Variants in GALNT18 observed in about 807,000 individuals in gnomAD.
GALNT18 encodes the protein polypeptide N-acetylgalactosaminyltransferase 18, also known as GalNAc-transferase 18.
GALNT18 carries 44 observed loss-of-function variants against 69.5 expected under a neutral mutation model. The observed-to-expected ratio is 0.63, with a 90% CI of 0.50 to 0.81. GALNT18 has a LOEUF of 0.81. Ranked by LOEUF, GALNT18 falls within the 40% of genes least tolerant of loss-of-function variation. GALNT18 has a pLI of 0.00. For missense variants in GALNT18, 715 were observed against 810.0 expected (o/e 0.88, Z 1.42); for synonymous variants, 364 against 318.2 (o/e 1.14, Z -1.53).
intron 3 of GALNT18, among the ~76,000 whole-genome samples, chr11:11,426,398 G>A (rs994260072): frequency 6.6e-6 from 1 of 152,208 alleles, no homozygotes; most frequent in South Asian, 2.1e-4. Flanking sequence ...CACAGATGGA[G>A]GACAACAATT....
At chr11:11,484,609 A>G (rs1260960407) in intron 1 of GALNT18, among the ~76,000 whole-genome samples, 1 of 151,534 alleles carries the variant, frequency 6.6e-6, no homozygotes, top group African/African-American at 2.4e-5. Context: ...AAAAAAAAAA[A>G]AAAAAAATAC....
chr11:11,347,855 G>T lies in GALNT18; in HGVS notation c.1093-6851C>A, dbSNP rs1196407744. ...GCAAAAGCAGAGACAAGAGTGAAAAGCCAAAACCAGCAGGCTATGGGGAGG... is the reference window on the plus strand; with the variant it reads ...GCAAAAGCAGAGACAAGAGTGAAAATCCAAAACCAGCAGGCTATGGGGAGG... On this transcript the variant is annotated intron_variant, in intron 6 of 10. Transcript: ENST00000227756. The surrounding 1 kb of genome is among the most constrained non-coding windows in gnomAD (Gnocchi z 4.0). Among the ~76,000 whole-genome samples, 1 of 152,212 alleles carries T rather than the reference G, an allele frequency of 6.6e-6. No homozygotes were observed. The highest frequency in any genetic ancestry group is 1.5e-5 in the Non-Finnish European group (1 of 68,038).
Position 11,497,709 on chromosome 11 carries a change from G to A in GALNT18, c.236-48773C>T, listed in dbSNP as rs1191514783. Among the ~76,000 whole-genome samples, 1 of 150,382 alleles carries A rather than the reference G, an allele frequency of 6.6e-6. No individual in the cohort carries two copies. The highest frequency in any genetic ancestry group is 1.5e-5 in the Non-Finnish European group (1 of 67,800). On this transcript the variant is annotated intron_variant, in intron 1 of 10. Transcript: ENST00000227756. This position sits in a 1 kb window ranked among gnomAD's most constrained non-coding sequence, Gnocchi z 4.2. ...CAAAAAGTTTAAAGCAGGAATCACT[G>A]AAATTGTGCAGATAAATGTGTATGT...
chr11:11,378,645 G>C lies in GALNT18; in HGVS notation c.779+436C>G, dbSNP rs1329184847. 2.0e-5 allele frequency among the ~76,000 whole-genome samples: 3 copies of C among 152,224 alleles called. No homozygotes were observed. The East Asian group carries it at 5.8e-4, about 29-fold the overall frequency. ...AGCCCAGGGCACCTGTGACAACATGGGGCAAGCTTCCCCCACCTTTGCCCA... is the reference window on the plus strand; with the variant it reads ...AGCCCAGGGCACCTGTGACAACATGCGGCAAGCTTCCCCCACCTTTGCCCA... On this transcript the variant is annotated intron_variant, in intron 4 of 10. Coordinates refer to ENST00000227756, the MANE Select transcript of GALNT18 (RefSeq NM_198516.3).
chr11:11,410,316 G>C (rs1001684091), intron 3 of GALNT18, among the ~76,000 whole-genome samples: 3 of 152,040 alleles, frequency 2.0e-5, no homozygotes, highest in African/African-American at 4.8e-5. Context: ...TGATGAAACT[G>C]CTCAAATTAC....
At chr11:11,493,232 G>C (rs536163750) in intron 1 of GALNT18, among the ~76,000 whole-genome samples, 3 of 127,948 alleles carry the variant, frequency 2.3e-5, no homozygotes, top group African/African-American at 9.0e-5. Context: ...CTGCACTCCA[G>C]CCTGGGCGAC....
rs527412335 is a variant in GALNT18, at chr11:11,610,690, G to A, written c.235+10669C>T. 1.3e-4 allele frequency among the ~76,000 whole-genome samples: 20 copies of A among 152,234 alleles called. No individual in the cohort carries two copies. In the South Asian group the frequency reaches 1.7e-3, roughly 13 times the overall value. ...GGACATTCTATGTCATAATTCCCACGTTATACCTTCCTCCATTTACTCTTA... is the reference window on the plus strand; with the variant it reads ...GGACATTCTATGTCATAATTCCCACATTATACCTTCCTCCATTTACTCTTA... On this transcript the variant is annotated intron_variant, in intron 1 of 10. Coordinates refer to ENST00000227756, the MANE Select transcript of GALNT18 (RefSeq NM_198516.3).
rs146314923 is a variant in GALNT18, at chr11:11,311,988, G to T, written c.1512+15098C>A. Among the ~76,000 whole-genome samples, 87 of 152,256 alleles carry T rather than the reference G, an allele frequency of 5.7e-4. 1 individual carries two copies. In the East Asian group the frequency reaches 0.016, roughly 28 times the overall value. On this transcript the variant is annotated intron_variant, in intron 9 of 10. Transcript: ENST00000227756. ...TTTCCTTTTTTTGAGACGGAGTCTC[G>T]CTCTGTTGCCCAGGCTGGAGTGCAG...
intron 1 of GALNT18, among the ~76,000 whole-genome samples, chr11:11,510,669 G>A (rs1024086364): frequency 1.3e-5 from 2 of 152,224 alleles, no homozygotes; most frequent in Non-Finnish European, 2.9e-5. Context: ...CTGCCTTTAA[G>A]GAGTTATCCA....
In GALNT18 at chr11:11,603,907, C is replaced by G. The variant is rs1189287252; in HGVS notation, c.235+17452G>C. Among the ~76,000 whole-genome samples the G allele has an allele frequency of 1.3e-5, 2 of 152,172 alleles. No individual in the cohort carries two copies. ...TTCCCCAAATCCATATGTTGAAATC[C>G]TAACCCCTAAGTTGATGGAATTAGG... On this transcript the variant is annotated intron_variant, in intron 1 of 10. Transcript: ENST00000227756. This position sits in a 1 kb window ranked among gnomAD's most constrained non-coding sequence, Gnocchi z 4.5.
chr11:11,358,986 C>T (rs1376552343), intron 6 of GALNT18, among the ~76,000 whole-genome samples: 3 of 140,146 alleles, frequency 2.1e-5, no homozygotes, highest in Non-Finnish European at 4.8e-5. Context: ...TCTCTGTGTC[C>T]AGGGATGGGA....
rs1859659377 is a variant in GALNT18 at position 11,602,649 on chromosome 11, A to G, written c.235+18710T>C. 6.6e-6 allele frequency among the ~76,000 whole-genome samples: 1 copy of G among 152,070 alleles called. No individual in the cohort carries two copies. ...TCAGGGCAATTTCCAGGGACTTTAG[A>G]TGGGTGTTGTTTAATAATTTTTACC... On this transcript the variant is annotated intron_variant, in intron 1 of 10. Coordinates refer to ENST00000227756, the MANE Select transcript of GALNT18 (RefSeq NM_198516.3). This position sits in a 1 kb window ranked among gnomAD's most constrained non-coding sequence, Gnocchi z 4.7.
rs1857643039 is a variant in GALNT18 at position 11,531,362 on chromosome 11, T to A, written c.236-82426A>T. On this transcript the variant is annotated intron_variant, in intron 1 of 10. Coordinates refer to ENST00000227756, the MANE Select transcript of GALNT18 (RefSeq NM_198516.3). ...TTGCCAGCTGTACCACCACTGCCTG[T>A]TCCCCTCATCCTTCCCCAGTCCTGA... 3.3e-5 allele frequency among the ~76,000 whole-genome samples: 5 copies of A among 152,310 alleles called. No individual in the cohort carries two copies. The Middle Eastern group carries it at 0.014, about 414-fold the overall frequency.
chr11:11,352,058 C>T, intron 6 of GALNT18: 2 of 1,613,816 alleles, frequency 1.2e-6, no homozygotes, highest in East Asian at 2.2e-5. Context: ...CTGAAGAAAT[C>T]CCTGACATCA....
At chr11:11,599,397 T>C (rs1859580584) in intron 1 of GALNT18, among the ~76,000 whole-genome samples, 1 of 152,096 alleles carries the variant, frequency 6.6e-6, no homozygotes, top group Admixed American at 6.5e-5. Flanking sequence ...CAATTTTGTC[T>C]GATATTAAAT....
chr11:11,471,784 A>T (rs984523241), intron 1 of GALNT18, among the ~76,000 whole-genome samples: 1 of 152,222 alleles, frequency 6.6e-6, no homozygotes, highest in African/African-American at 2.4e-5. Context: ...TACTTTTCTG[A>T]TATCATCTCC....
intron 1 of GALNT18, among the ~76,000 whole-genome samples, chr11:11,471,085 T>G (rs565041921): frequency 1.4e-4 from 22 of 152,254 alleles, no homozygotes; most frequent in African/African-American, 3.9e-4. Context: ...AGAAAACCTT[T>G]TCTGGGTCAC....
chr11:11,545,652 C>A (rs983264233), intron 1 of GALNT18, among the ~76,000 whole-genome samples: 1 of 152,216 alleles, frequency 6.6e-6, no homozygotes, highest in African/African-American at 2.4e-5. Flanking sequence ...CCAAGAAAAA[C>A]CACTAAAAAG....
At chr11:11,581,690 C>G (rs1249854942) in intron 1 of GALNT18, among the ~76,000 whole-genome samples, 1 of 152,148 alleles carries the variant, frequency 6.6e-6, no homozygotes, top group Non-Finnish European at 1.5e-5. Flanking sequence ...CTACCCACTC[C>G]TGGCTAAGCT....
Sources: allele counts gnomAD v4.1 joint callset (sites outside exome capture counted in the v4.1 genomes callset), GRCh38; gene constraint gnomAD v4.1.1; non-coding constraint Gnocchi (gnomAD v3.1); transcripts MANE v1.5; gene names NCBI Gene and HGNC (gene_info 2026-07-23, HGNC 2026-07-21).